Variants in COL4A3 observed in about 807,000 individuals in gnomAD.
COL4A3 encodes the protein collagen alpha-3(IV) chain.
Under a neutral mutation model 217.4 loss-of-function variants are expected in COL4A3, and 135 were observed. The observed-to-expected ratio is 0.62, with a 90% CI of 0.54 to 0.72. COL4A3 has a LOEUF of 0.72. COL4A3 is among the 30% of genes least tolerant of loss of function. COL4A3 has a pLI of 0.00. For synonymous variants in COL4A3, 690 were observed against 736.3 expected, an observed-to-expected ratio of 0.94 and a Z score of 1.02; for missense variants, 1,868 against 2,119.9, an observed-to-expected ratio of 0.88 and a Z score of 2.33.
chr2:227,297,637 G>A (rs2073087899), intron 41 of COL4A3, 37 bp from the exon 42 acceptor site: 2 of 1,578,686 alleles, frequency 1.3e-6, no homozygotes, highest in African/African-American at 1.3e-5. Flanking sequence ...CAAGCATATG[G>A]GCATTAAAGA....
chr2:227,198,074 T>A (rs1950135), intron 1 of COL4A3, among the ~76,000 whole-genome samples: 4 of 152,054 alleles, frequency 2.6e-5, no homozygotes, highest in South Asian at 2.1e-4. Flanking sequence ...ACTGTTTGAC[T>A]CTTCCCTCTT....
At chr2:227,201,408 T>C (rs1474272170) in intron 1 of COL4A3, among the ~76,000 whole-genome samples, 3 of 152,170 alleles carry the variant, frequency 2.0e-5, no homozygotes, top group Admixed American at 2.0e-4. Flanking sequence ...AAAGGCAAAT[T>C]TGTCACATCC....
chr2:227,257,815 G>C (rs187905114), intron 18 of COL4A3, among the ~76,000 whole-genome samples, 171 bp downstream of exon 18: 2 of 152,156 alleles, frequency 1.3e-5, no homozygotes, highest in Non-Finnish European at 1.5e-5. Context: ...CTTTGACCAC[G>C]GGTAAATATT....
intron 1 of COL4A3, among the ~76,000 whole-genome samples, chr2:227,182,924 T>C (rs1005206885): frequency 6.6e-6 from 1 of 152,214 alleles, no homozygotes; most frequent in Non-Finnish European, 1.5e-5. Context: ...CCAACTACTC[T>C]AACATTTACT....
At position 227,272,647 on chromosome 2, in the gene COL4A3, A is replaced by G. The variant is rs114718752; in HGVS notation, c.1759-302A>G. On this transcript the variant is annotated intron_variant, in intron 25 of 51. Transcript: ENST00000396578. ...TATCACCACTAAAGTCATTTGAACT[A>G]TTGGTCAATTTGAACATAGTTTTAG... Among the ~76,000 whole-genome samples, 279 of 152,360 alleles carry G rather than the reference A, an allele frequency of 1.8e-3. 1 individual carries two copies. Among genetic ancestry groups the G allele is most frequent in the African/African-American group, 6.7e-3 (277 of 41,586 alleles).
chr2:227,252,215 T>TC (rs1019538200), intron 11 of COL4A3, among the ~76,000 whole-genome samples: 1 of 122,704 alleles, frequency 8.1e-6, no homozygotes, highest in African/African-American at 3.2e-5. Context: ...TTTCTTTCTT[T>TC]TTTTTTTTTT....
chr2:227,222,079 A>G (rs1002730143), intron 1 of COL4A3, among the ~76,000 whole-genome samples: 2 of 150,608 alleles, frequency 1.3e-5, no homozygotes, highest in Non-Finnish European at 3.0e-5. Context: ...GCTTGAGCCC[A>G]GGAGTTTGAG....
intron 1 of COL4A3, among the ~76,000 whole-genome samples, chr2:227,176,514 G>T (rs988349216): frequency 6.6e-6 from 1 of 152,172 alleles, no homozygotes; most frequent in Non-Finnish European, 1.5e-5. Context: ...TCTAGCGGTA[G>T]TTTTAGGGTA....
intron 1 of COL4A3, among the ~76,000 whole-genome samples, chr2:227,202,176 A>T (rs1302739346): frequency 6.6e-6 from 1 of 152,206 alleles, no homozygotes; most frequent in Non-Finnish European, 1.5e-5. Context: ...GTAACATTGT[A>T]GGGTGTCAAT....
chr2:227,277,698 T>C (rs1011376694), intron 28 of COL4A3, 145 bp downstream of exon 28: 5 of 639,890 alleles, frequency 7.8e-6, no homozygotes, highest in Non-Finnish European at 1.4e-5. Context: ...ATATCCATAA[T>C]ACTCTTTAAA....
Position 227,301,989 on chromosome 2 carries a change from A to G in COL4A3, c.3883-1049A>G, listed in dbSNP as rs566294807. 3 of 152,344 alleles carry G rather than the reference A, an allele frequency of 2.0e-5. No homozygotes were observed. The South Asian group carries it at 6.2e-4, about 32-fold the overall frequency. 9.4% of individuals were successfully genotyped at this position (152,344 alleles called of 1,614,324 possible). A position where few individuals can be genotyped will look rare whatever the true frequency, so the allele number is the denominator to read the frequency against. ...CTTTTCATGACCTTCAAAGCACATTATTCTCAGGTAATAGCATTATCTCAA... is the reference window on the plus strand; with the variant it reads ...CTTTTCATGACCTTCAAAGCACATTGTTCTCAGGTAATAGCATTATCTCAA... On this transcript the variant is annotated intron_variant, in intron 43 of 51. Transcript: ENST00000396578.
intron 23 of COL4A3, among the ~76,000 whole-genome samples, chr2:227,269,119 G>A (rs2071090802): frequency 6.6e-6 from 1 of 152,148 alleles, no homozygotes. Context: ...GTCATTTAAA[G>A]GGATCATCTT....
chr2:227,263,560 T>C (rs980897221), intron 20 of COL4A3, among the ~76,000 whole-genome samples: 9 of 152,344 alleles, frequency 5.9e-5, no homozygotes, highest in Non-Finnish European at 1.0e-4. Context: ...ATAAATTTTC[T>C]TGTGGGAATG....
intron 31 of COL4A3, 55 bp downstream of exon 31, chr2:227,281,061 T>G: frequency 1.9e-6 from 2 of 1,076,066 alleles, no homozygotes; most frequent in Non-Finnish European, 1.4e-6. Context: ...ATGAGACTCC[T>G]GCTCTGTGCT....
chr2:227,209,254 T>C (rs1469492486), intron 1 of COL4A3, among the ~76,000 whole-genome samples: 1 of 152,244 alleles, frequency 6.6e-6, no homozygotes. Flanking sequence ...CAGCTGGTTC[T>C]AGATGGTCCA....
chr2:227,271,075 A>C, intron 25 of COL4A3, 123 bp downstream of exon 25: 1 of 830,408 alleles, frequency 1.2e-6, no homozygotes, highest in Non-Finnish European at 2.0e-6. Context: ...CTGCAGAATG[A>C]AACATCTTCA....
chr2:227,183,659 A>T (rs1037543831), intron 1 of COL4A3, among the ~76,000 whole-genome samples: 2 of 152,174 alleles, frequency 1.3e-5, no homozygotes. Flanking sequence ...GAAGCCATGG[A>T]CACCAGAAAA....
In COL4A3 at chr2:227,164,779, T is replaced by C. The variant is rs767333630; in HGVS notation, c.53T>C (p.Leu18Pro). 6.6e-7 allele frequency: 1 copy of C among 1,521,244 alleles called. No individual in the cohort carries two copies. Among genetic ancestry groups the C allele is most frequent in the Non-Finnish European group, 8.8e-7 (1 of 1,141,518 alleles). The allele number at this position is 1,521,244 out of a possible 1,614,324, so 94.2% of individuals were successfully genotyped here. A position where few individuals can be genotyped will look rare whatever the true frequency, so the allele number is the denominator to read the frequency against. The part of the protein sequence containing the change: ...RPQVLLLPLL[L>P]VLLAAAPAAS... The stretch of plus-strand genomic sequence containing the variant: ...CAGGTGCTCCTGCTGCCGCTCCTGC[T>C]GGTGCTCCTGGCGGCGGCGCCCGCA... The change falls in exon 1 of 52, where the codon CTG (leucine) becomes CCG (proline). Residue 18 changes from leucine to proline, a missense_variant. Leu to Pro is a moderately conservative substitution (Grantham distance 98, BLOSUM62 -3). Coordinates refer to ENST00000396578, the MANE Select transcript of COL4A3 (RefSeq NM_000091.5). This position sits in a 1 kb window ranked among gnomAD's most constrained non-coding sequence, Gnocchi z 4.8.
In COL4A3 at chr2:227,203,235, G is replaced by A. The variant is rs1358746736; in HGVS notation, c.88-34733G>A. Among the ~76,000 whole-genome samples the A allele has an allele frequency of 1.1e-4, 2 of 18,446 alleles. 1 individual carries two copies. The highest frequency in any genetic ancestry group is 5.2e-4 in the African/African-American group (2 of 3,864). 12.1% of individuals were successfully genotyped at this position (18,446 alleles called of 152,430 possible). A position where few individuals can be genotyped will look rare whatever the true frequency, so the allele number is the denominator to read the frequency against. ...TACACACATATATGTGTATATATGTGTATATATACATATATGTATATATAC... is the reference window on the plus strand; with the variant it reads ...TACACACATATATGTGTATATATGTATATATATACATATATGTATATATAC... On this transcript the variant is annotated intron_variant, in intron 1 of 51. Transcript: ENST00000396578.
Sources: gnomAD v4.1 joint callset for allele counts (sites outside exome capture counted in the v4.1 genomes callset) on GRCh38, gnomAD v4.1.1 for gene constraint, Gnocchi (gnomAD v3.1) non-coding constraint, MANE v1.5 for transcripts, NCBI Gene and HGNC (gene_info 2026-07-23, HGNC 2026-07-21) for gene names.